Variants in KIAA1217 observed in about 807,000 individuals in gnomAD.
KIAA1217 encodes sickle tail protein homolog.
Under a neutral mutation model 163.9 loss-of-function variants are expected in KIAA1217, and 88 were observed. The ratio of observed to expected loss-of-function variants is 0.54; its 90% confidence interval spans 0.45 to 0.64. The LOEUF is 0.64. Among genes scored for constraint, KIAA1217 ranks in the 30% least tolerant of loss-of-function variants. The probability of loss-of-function intolerance (pLI) is 0.00; values close to 1 mark genes in which losing one functional copy is unlikely to be tolerated. For missense variants in KIAA1217, 2,372 were observed against 2,475.0 expected (o/e 0.96, Z 0.88); for synonymous variants, 903 against 923.1 (o/e 0.98, Z 0.39).
intron 2 of KIAA1217, among the ~76,000 whole-genome samples, chr10:24,316,655 G>A (rs929337954): frequency 6.6e-6 from 1 of 152,146 alleles, no homozygotes; most frequent in African/African-American, 2.4e-5. Flanking sequence ...GTGACTCTGT[G>A]TTCTATCTGA....
intron 2 of KIAA1217, among the ~76,000 whole-genome samples, chr10:24,129,121 T>A (rs1366801475): frequency 6.6e-6 from 1 of 152,214 alleles, no homozygotes; most frequent in Admixed American, 6.5e-5. Flanking sequence ...GGTACTAACC[T>A]CCTACTATGT....
At chr10:23,895,542 G>A (rs1364635216) in intron 1 of KIAA1217, among the ~76,000 whole-genome samples, 1 of 152,106 alleles carries the variant, frequency 6.6e-6, no homozygotes, top group South Asian at 2.1e-4. Flanking sequence ...TACACTGTTG[G>A]TGGACTGTAA....
At chr10:24,391,325 CTTTCTTTCTTTTT>C (rs1290616086) in intron 3 of KIAA1217, among the ~76,000 whole-genome samples, 136 of 55,758 alleles carry the variant, frequency 2.4e-3, no homozygotes, top group Middle Eastern at 7.5e-3. Flanking sequence ...CTGTTTCTTT[CTTTCTTTCTTTTT>C]TTTTTTTTTT....
chr10:24,096,645 G>A (rs567111031), intron 2 of KIAA1217, among the ~76,000 whole-genome samples: 2 of 152,152 alleles, frequency 1.3e-5, no homozygotes, highest in African/African-American at 4.8e-5. Context: ...TTCCAGACCT[G>A]CAGCAAATTT....
At position 24,547,054 on chromosome 10, in the gene KIAA1217, T is replaced by TC. The variant is rs1387631419; in HGVS notation, c.*732dup. 1 of 92,536 alleles carries TC rather than the reference T, an allele frequency of 1.1e-5. No individual in the cohort carries two copies. Among genetic ancestry groups the TC allele is most frequent in the East Asian group, 4.8e-4 (1 of 2,090 alleles). The allele number at this position is 92,536 out of a possible 1,614,324, so 5.7% of individuals were successfully genotyped here. On this transcript the variant is annotated 3_prime_UTR_variant, in exon 21 of 21. Coordinates refer to ENST00000376454, the MANE Select transcript of KIAA1217 (RefSeq NM_019590.5). ...TTGCTTCTTTTCTTTCTTTTTTCCT[T>TC]CCTTTTTTTTTTTTTTTTCTTTTTT...
At chr10:24,409,848 G>C (rs2057580160) in intron 3 of KIAA1217, among the ~76,000 whole-genome samples, 1 of 151,952 alleles carries the variant, frequency 6.6e-6, no homozygotes, top group Non-Finnish European at 1.5e-5. Context: ...TACGATGTTT[G>C]GTTTTCCATT....
chr10:24,495,474 A>T (rs185174309), intron 8 of KIAA1217, among the ~76,000 whole-genome samples: 245 of 152,298 alleles, frequency 1.6e-3, no homozygotes, highest in Middle Eastern at 6.8e-3. Context: ...GCCTGCCTAG[A>T]ACTTAGAATT....
intron 5 of KIAA1217, among the ~76,000 whole-genome samples, chr10:24,469,797 A>G (rs1221650919): frequency 2.0e-5 from 3 of 152,018 alleles, no homozygotes; most frequent in Admixed American, 6.6e-5. Flanking sequence ...TTATTAGTAG[A>G]GAGGGGGTTT....
At chr10:23,774,982 A>T (rs1834948435) in intron 1 of KIAA1217, among the ~76,000 whole-genome samples, 1 of 152,214 alleles carries the variant, frequency 6.6e-6, no homozygotes, top group Admixed American at 6.5e-5. Context: ...CATGGAGAAG[A>T]TGAAGCTGAT....
At chr10:24,520,354 T>C in intron 11 of KIAA1217, 101 bp downstream of exon 11, 10 of 1,485,758 alleles carry the variant, frequency 6.7e-6, no homozygotes, top group Non-Finnish European at 9.2e-6. Flanking sequence ...CAAGTATTTA[T>C]TAAACGTCTA....
chr10:23,731,133 A>T (rs915456321), intron 1 of KIAA1217, among the ~76,000 whole-genome samples: 1 of 152,152 alleles, frequency 6.6e-6, no homozygotes, highest in Non-Finnish European at 1.5e-5. Flanking sequence ...AGTCTGCAGG[A>T]TGGCCATCCT....
At chr10:24,184,924 T>C (rs1188613427) in intron 2 of KIAA1217, among the ~76,000 whole-genome samples, 1 of 152,222 alleles carries the variant, frequency 6.6e-6, no homozygotes, top group Non-Finnish European at 1.5e-5. Flanking sequence ...GAAAAAAATA[T>C]GTATTTCTCT....
At position 24,211,574 on chromosome 10, in the gene KIAA1217, TG is replaced by T. The variant is rs2068116945; in HGVS notation, c.70+2312del. 4.2e-5 allele frequency among the ~76,000 whole-genome samples: 6 copies of T among 144,408 alleles called. No homozygotes were observed. In the South Asian group the frequency reaches 1.3e-3, roughly 32 times the overall value. The allele number at this position is 144,408 out of a possible 152,430, so 94.7% of individuals were successfully genotyped here. The stretch of plus-strand genomic sequence containing the variant: ...TGTATTGTATTGTATTGTATTGTAT[TG>T]TATTGTATTGTATTGTATTTTATTT... On this transcript the variant is annotated intron_variant, in intron 1 of 20. Coordinates refer to ENST00000376454, the MANE Select transcript of KIAA1217 (RefSeq NM_019590.5).
intron 1 of KIAA1217, among the ~76,000 whole-genome samples, chr10:23,706,381 C>T (rs1050368927): frequency 6.6e-6 from 1 of 152,126 alleles, no homozygotes; most frequent in African/African-American, 2.4e-5. Flanking sequence ...AGTCTTTCAC[C>T]ATTAAGTATA....
intron 2 of KIAA1217, among the ~76,000 whole-genome samples, chr10:24,080,858 T>TTTTTTTTTTTTTTTTTTTTGAGACGG (rs1427889089): frequency 6.6e-6 from 1 of 151,746 alleles, no homozygotes; most frequent in African/African-American, 2.4e-5. Context: ...AACTTAATCT[T>TTTTTTTTTTTTTTTTTTTTGAGACGG]AACGTTTGTC....
chr10:24,434,240 C>T (rs375326240), intron 4 of KIAA1217, among the ~76,000 whole-genome samples: 1 of 151,846 alleles, frequency 6.6e-6, no homozygotes, highest in African/African-American at 2.4e-5. Context: ...GGTTTTACCA[C>T]GTGGGTCAGG....
At chr10:23,750,210 C>T (rs1224258551) in intron 1 of KIAA1217, among the ~76,000 whole-genome samples, 2 of 152,172 alleles carry the variant, frequency 1.3e-5, no homozygotes, top group African/African-American at 4.8e-5. Context: ...AAAATCTGAT[C>T]ATGTCATTCT....
chr10:24,269,816 G>T (rs1180325728), intron 2 of KIAA1217, among the ~76,000 whole-genome samples: 6 of 152,196 alleles, frequency 3.9e-5, no homozygotes, highest in African/African-American at 1.4e-4. Context: ...TTTAGGAGTA[G>T]CAGAGTGTCA....
At chr10:24,244,948 C>T (rs2073601846) in intron 2 of KIAA1217, among the ~76,000 whole-genome samples, 1 of 152,058 alleles carries the variant, frequency 6.6e-6, no homozygotes, top group Admixed American at 6.6e-5. Context: ...CTTCAACTTC[C>T]TGGTTGTATA....
Sources: gnomAD v4.1 joint callset for allele counts (sites outside exome capture counted in the v4.1 genomes callset) on GRCh38, gnomAD v4.1.1 for gene constraint, MANE v1.5 for transcripts, NCBI Gene and HGNC (gene_info 2026-07-23, HGNC 2026-07-21) for gene names.